MDGA2: variants seen among roughly 807,000 people sequenced by gnomAD.
The protein encoded by MDGA2 is MAM domain containing glycosylphosphatidylinositol anchor 2.
MDGA2 carries 40 observed loss-of-function variants against 117.8 expected under a neutral mutation model. That is an observed-to-expected ratio of 0.34 (90% CI 0.26 to 0.44). The LOEUF (loss-of-function observed/expected upper bound fraction) is 0.44. MDGA2 is among the 20% of genes least tolerant of loss of function. The probability of loss-of-function intolerance (pLI) is 1.00; values close to 1 mark genes in which losing one functional copy is unlikely to be tolerated. For synonymous variants in MDGA2, 452 were observed against 439.0 expected, an observed-to-expected ratio of 1.03 and a Z score of -0.37; for missense variants, 1,123 against 1,250.6, an observed-to-expected ratio of 0.90 and a Z score of 1.54.
intron 14 of MDGA2, chr14:46,871,583 A>G (rs1882000314): frequency 6.5e-6 from 1 of 152,782 alleles, no homozygotes; most frequent in Non-Finnish European, 1.5e-5. Flanking sequence ...GTCAACTATT[A>G]TTTTATTATT....
At chr14:47,457,107 A>G (rs1267508399) in intron 1 of MDGA2, among the ~76,000 whole-genome samples, 1 of 152,224 alleles carries the variant, frequency 6.6e-6, no homozygotes, top group East Asian at 1.9e-4. Flanking sequence ...TGAATTAGCT[A>G]ATGGAGTTAG....
chr14:47,409,517 T>C (rs1300633479), intron 1 of MDGA2, among the ~76,000 whole-genome samples: 1 of 152,174 alleles, frequency 6.6e-6, no homozygotes, highest in African/African-American at 2.4e-5. Flanking sequence ...AATTGAACTC[T>C]AAGAAAAGCA....
intron 2 of MDGA2, among the ~76,000 whole-genome samples, chr14:47,228,658 T>A (rs1886589156): frequency 6.6e-6 from 1 of 152,128 alleles, no homozygotes; most frequent in Non-Finnish European, 1.5e-5. Context: ...TGTAACCTCA[T>A]TGTAAGTCAA....
chr14:47,462,865 G>A (rs1340433745), intron 1 of MDGA2, among the ~76,000 whole-genome samples: 1 of 152,136 alleles, frequency 6.6e-6, no homozygotes, highest in Non-Finnish European at 1.5e-5. Context: ...GATTGAACAC[G>A]TTAGCAACAT....
At chr14:47,376,863 G>C (rs68041463) in intron 1 of MDGA2, among the ~76,000 whole-genome samples, 20,027 of 152,108 alleles carry the variant, frequency 0.13, 1,843 homozygotes, top group East Asian at 0.54. Flanking sequence ...GTAGGAAAGG[G>C]GGGGCACAAA....
chr14:47,274,080 C>A (rs567714416), intron 2 of MDGA2, among the ~76,000 whole-genome samples: 2 of 152,098 alleles, frequency 1.3e-5, no homozygotes, highest in South Asian at 4.1e-4. Context: ...TCATTCATAC[C>A]ATCCAACCTA....
Position 47,271,353 on chromosome 14 carries a change from G to C in MDGA2, c.420+30058C>G, listed in dbSNP as rs190667959. ...AAATACCTACAAAAGTACAGTGCGAGCAAGTCTGTTGGCCAACTAAGAGTT... is the reference window on the plus strand; with the variant it reads ...AAATACCTACAAAAGTACAGTGCGACCAAGTCTGTTGGCCAACTAAGAGTT... On this transcript the variant is annotated intron_variant, in intron 2 of 16. Coordinates refer to ENST00000399232, the MANE Select transcript of MDGA2 (RefSeq NM_001113498.3). 7.0e-4 allele frequency among the ~76,000 whole-genome samples: 106 copies of C among 152,272 alleles called. 1 individual carries two copies. The highest frequency in any genetic ancestry group is 7.4e-5 in the Non-Finnish European group (5 of 68,026).
intron 1 of MDGA2, among the ~76,000 whole-genome samples, chr14:47,439,396 T>A (rs375621004): frequency 3.3e-5 from 5 of 152,116 alleles, no homozygotes; most frequent in African/African-American, 9.7e-5. Context: ...ACTTACATAA[T>A]CATTTATCAC....
intron 9 of MDGA2, among the ~76,000 whole-genome samples, chr14:46,930,134 TGA>T (rs1884512278): frequency 6.6e-6 from 1 of 151,944 alleles, no homozygotes; most frequent in African/African-American, 2.4e-5. Context: ...CTGAAAAGAT[TGA>T]GAAGTTCAAT....
At chr14:47,086,752 T>A (rs1027962505) in intron 6 of MDGA2, among the ~76,000 whole-genome samples, 2 of 152,284 alleles carry the variant, frequency 1.3e-5, no homozygotes, top group East Asian at 3.9e-4. Flanking sequence ...ATGTAGATAC[T>A]CTCATTTTTC....
At chr14:47,018,978 C>T (rs1888187678) in intron 8 of MDGA2, among the ~76,000 whole-genome samples, 1 of 152,100 alleles carries the variant, frequency 6.6e-6, no homozygotes, top group African/African-American at 2.4e-5. Context: ...TCTGCTTCTA[C>T]ATTAGATTAT....
chr14:47,381,891 C>T (rs1281652920), intron 1 of MDGA2, among the ~76,000 whole-genome samples: 1 of 152,080 alleles, frequency 6.6e-6, no homozygotes, highest in African/African-American at 2.4e-5. Context: ...CAAAAAAGAG[C>T]CCACATTGCC....
chr14:46,980,809 T>C (rs185475663), intron 8 of MDGA2, among the ~76,000 whole-genome samples: 3 of 152,326 alleles, frequency 2.0e-5, no homozygotes, highest in Admixed American at 2.0e-4. Flanking sequence ...AGTTCAGCTA[T>C]GTACACTTTT....
At chr14:47,487,994 G>A (rs896165407) in intron 1 of MDGA2, among the ~76,000 whole-genome samples, 1 of 152,070 alleles carries the variant, frequency 6.6e-6, no homozygotes, top group Non-Finnish European at 1.5e-5. Context: ...GGTGGGTTAG[G>A]AATGGTTTTT....
At chr14:47,520,011 C>T (rs188515827) in intron 1 of MDGA2, among the ~76,000 whole-genome samples, 1 of 152,138 alleles carries the variant, frequency 6.6e-6, no homozygotes, top group Admixed American at 6.5e-5. Flanking sequence ...TATTTTGGAA[C>T]AACCTCATAT....
chr14:46,942,659 T>A (rs1885039753), intron 9 of MDGA2, among the ~76,000 whole-genome samples: 2 of 152,248 alleles, frequency 1.3e-5, no homozygotes, highest in South Asian at 4.1e-4. Context: ...AATCATAAAA[T>A]ATGCACTTTC....
chr14:47,268,069 TTTC>T (rs1888023343), intron 2 of MDGA2, among the ~76,000 whole-genome samples: 1 of 151,886 alleles, frequency 6.6e-6, no homozygotes, highest in African/African-American at 2.4e-5. Flanking sequence ...CTTATTTCCT[TTTC>T]TTCTTTTTTT....
chr14:47,518,546 C>T (rs1016816594), intron 1 of MDGA2, among the ~76,000 whole-genome samples: 2 of 152,082 alleles, frequency 1.3e-5, no homozygotes, highest in East Asian at 3.8e-4. Flanking sequence ...TCATAATTTG[C>T]AACAATATGC....
Position 46,957,579 on chromosome 14 carries a change from C to T in MDGA2, c.1884G>A (p.Met628Ile), listed in dbSNP as rs1885612567. Residue 628 changes from methionine (M) to isoleucine (I), a missense_variant, in exon 9 of 17, where the codon ATG (methionine) becomes ATA (isoleucine). This residue lies in a region of MDGA2 where 890 missense variants were observed against 1,050.3 expected (regional missense o/e 0.85). Transcript: ENST00000399232. The stretch of plus-strand genomic sequence containing the variant: ...GATAGGCTCTCAGTACTCTGCAACT[C>T]ATAGTGACACTTCGATCCTGTCCTT... ...IRQGQDRSVT[M>I]SCRVLRAYPI... 2 of 1,614,166 alleles carry T rather than the reference C, an allele frequency of 1.2e-6. No homozygotes were observed. The highest frequency in any genetic ancestry group is 2.7e-5 in the African/African-American group (2 of 75,046).
Sources: gnomAD v4.1 joint callset for allele counts (sites outside exome capture counted in the v4.1 genomes callset) on GRCh38, gnomAD v4.1.1 for gene constraint, gnomAD v4.1.1 regional missense constraint, MANE v1.5 for transcripts, NCBI Gene and HGNC (gene_info 2026-07-23, HGNC 2026-07-21) for gene names.